The following ARHGEF26 variants were observed in gnomAD, a reference collection of about 807,000 sequenced individuals.
ARHGEF26 encodes the protein Rho guanine nucleotide exchange factor 26, also known as Rho guanine nucleotide exchange factor (GEF) 26.
ARHGEF26 carries 59 observed loss-of-function variants against 89.4 expected under a neutral mutation model. The ratio of observed to expected loss-of-function variants is 0.66; its 90% CI spans 0.54 to 0.82. ARHGEF26 has a LOEUF of 0.82. Among genes scored for constraint, ARHGEF26 ranks in the 40% least tolerant of loss-of-function variants. The probability of loss-of-function intolerance (pLI) is 0.00; values close to 1 mark genes in which losing one functional copy is unlikely to be tolerated. For synonymous variants in ARHGEF26, 500 were observed against 428.4 expected (o/e 1.17, Z -2.06); for missense variants, 1,234 against 1,085.6 (o/e 1.14, Z -1.92).
Position 154,122,905 on chromosome 3 carries a change from C to G in ARHGEF26, c.913C>G (p.Pro305Ala), listed in dbSNP as rs1173228661. 6.2e-7 allele frequency: 1 copy of G among 1,613,282 alleles called. No individual in the cohort carries two copies. Among genetic ancestry groups the G allele is most frequent in the Non-Finnish European group, 8.5e-7 (1 of 1,179,626 alleles). ...TGAGGTCGATAACGACGTGGATAGC[C>G]CAGGGTCTCTGCGGAGAGGCTTGCG... ...ESEVDNDVDS[P>A]GSLRRGLRST... The change falls in exon 2 of 15, where the codon CCA (proline) becomes GCA (alanine). Residue 305 changes from proline to alanine, a missense_variant. Transcript: ENST00000465093.
chr3:154,202,036 T>C (rs1408494786), intron 9 of ARHGEF26, among the ~76,000 whole-genome samples: 1 of 152,232 alleles, frequency 6.6e-6, no homozygotes, highest in African/African-American at 2.4e-5. Flanking sequence ...ATTTTGGCTT[T>C]TGTTGCCATT....
At chr3:154,160,940 C>T (rs1256291782) in intron 6 of ARHGEF26, among the ~76,000 whole-genome samples, 1 of 152,088 alleles carries the variant, frequency 6.6e-6, no homozygotes, top group Non-Finnish European at 1.5e-5. Context: ...AAGATGATGA[C>T]CCTCTTTACC....
intron 6 of ARHGEF26, among the ~76,000 whole-genome samples, chr3:154,163,968 A>G (rs1345138763): frequency 6.6e-6 from 1 of 152,056 alleles, no homozygotes; most frequent in Non-Finnish European, 1.5e-5. Flanking sequence ...AACATACACT[A>G]CCCTCCTTAA....
intron 9 of ARHGEF26, among the ~76,000 whole-genome samples, chr3:154,205,280 G>T (rs1046344292): frequency 1.1e-4 from 17 of 151,590 alleles, no homozygotes; most frequent in African/African-American, 4.1e-4. Context: ...TCTTCTTGCA[G>T]TTTTTTCTGG....
At chr3:154,124,195 C>G (rs1321568975) in intron 2 of ARHGEF26, among the ~76,000 whole-genome samples, 4 of 152,024 alleles carry the variant, frequency 2.6e-5, no homozygotes, top group Admixed American at 6.6e-5. Context: ...TGTGGGGGAT[C>G]TTGTACATTT....
At chr3:154,129,757 AAAAC>A in intron 4 of ARHGEF26, 38 bp downstream of exon 4, 2 of 1,570,894 alleles carry the variant, frequency 1.3e-6, no homozygotes, top group Non-Finnish European at 1.7e-6. Flanking sequence ...TGGTAGGAAA[AAAAC>A]AAGTTTTGGA....
chr3:154,249,661 C>G lies in ARHGEF26; in HGVS notation c.2301-3455C>G, dbSNP rs138323564. Among the ~76,000 whole-genome samples the G allele has an allele frequency of 1.9e-3, 284 of 152,214 alleles. 1 individual carries two copies. The highest frequency in any genetic ancestry group is 6.5e-3 in the African/African-American group (268 of 41,538). On this transcript the variant is annotated intron_variant, in intron 12 of 14. Coordinates refer to ENST00000465093, the MANE Select transcript of ARHGEF26 (RefSeq NM_015595.4). ...GGACTCCAGTGTATTTGCTGTGCAC[C>G]TCTCCAAGCTAGCCCAGGGCCTGTG...
rs189798220 is a variant in ARHGEF26, at chr3:154,172,560, G to C, written c.1488-15125G>C. Among the ~76,000 whole-genome samples the C allele has an allele frequency of 3.3e-3, 498 of 152,254 alleles. 1 individual carries two copies. Among genetic ancestry groups the C allele is most frequent in the African/African-American group, 0.011 (471 of 41,548 alleles). ...AATAAAAAAGTTAGCTGGGCGTGGT[G>C]GTGTGTGCCTGTAGTCCCAGCTACT... is the stretch of plus-strand genomic sequence containing the variant. On this transcript the variant is annotated intron_variant, in intron 6 of 14. Transcript: ENST00000465093.
chr3:154,252,442 A>T (rs899096717), intron 12 of ARHGEF26, among the ~76,000 whole-genome samples: 2 of 152,354 alleles, frequency 1.3e-5, no homozygotes, highest in Middle Eastern at 3.4e-3. Flanking sequence ...TGACTGCATT[A>T]TGTAGAGAAG....
intron 1 of ARHGEF26, 94 bp downstream of exon 1, chr3:154,121,613 G>C: frequency 4.8e-6 from 1 of 209,218 alleles, no homozygotes; most frequent in East Asian, 1.1e-4. Context: ...GTCCCGCGGC[G>C]AGTTTCCCAA....
At chr3:154,254,697 A>G (rs375681512) in intron 13 of ARHGEF26, 23 bp from the exon 14 acceptor site, 2 of 1,596,218 alleles carry the variant, frequency 1.3e-6, no homozygotes, top group Non-Finnish European at 1.7e-6. Context: ...CTGGAAACTT[A>G]GTATGTCCTC....
At chr3:154,221,310 A>G (rs357495) in intron 10 of ARHGEF26, among the ~76,000 whole-genome samples, 133,523 of 152,230 alleles carry the variant, frequency 0.88, 58,686 homozygotes, top group East Asian at 1. Context: ...AGATTTATAA[A>G]TAATTCAAAA....
At chr3:154,219,224 T>C (rs1715965732) in intron 10 of ARHGEF26, among the ~76,000 whole-genome samples, 1 of 152,222 alleles carries the variant, frequency 6.6e-6, no homozygotes, top group South Asian at 2.1e-4. Flanking sequence ...TTCCTCCTTT[T>C]GAAAGATGAA....
chr3:154,134,464 A>G (rs1718882952), intron 4 of ARHGEF26, among the ~76,000 whole-genome samples: 1 of 152,186 alleles, frequency 6.6e-6, no homozygotes, highest in Non-Finnish European at 1.5e-5. Flanking sequence ...TAAAACCATC[A>G]GATCTCGTGA....
chr3:154,179,321 TG>T (rs1429159946), intron 6 of ARHGEF26, among the ~76,000 whole-genome samples: 1 of 152,204 alleles, frequency 6.6e-6, no homozygotes, highest in Non-Finnish European at 1.5e-5. Context: ...GAGTGTTCTT[TG>T]TTCAAACTAC....
At chr3:154,202,775 G>T (rs577882820) in intron 9 of ARHGEF26, among the ~76,000 whole-genome samples, 1,253 of 103,296 alleles carry the variant, frequency 0.012, 17 homozygotes, top group African/African-American at 0.047. Flanking sequence ...TTGTGAATGG[G>T]AGTTCACTCA....
intron 11 of ARHGEF26, among the ~76,000 whole-genome samples, chr3:154,235,790 CAA>C (rs970164006): frequency 2.6e-5 from 4 of 152,284 alleles, no homozygotes; most frequent in African/African-American, 9.6e-5. Flanking sequence ...TCAGATTACC[CAA>C]AGTCCTTCCA....
intron 2 of ARHGEF26, 87 bp downstream of exon 2, chr3:154,123,162 CGAA>C: frequency 1.3e-6 from 2 of 1,527,538 alleles, no homozygotes; most frequent in African/African-American, 1.4e-5. Flanking sequence ...AGAGGAAACC[CGAA>C]GAAGTCATTC....
At chr3:154,202,033 CT>C (rs1351422980) in intron 9 of ARHGEF26, among the ~76,000 whole-genome samples, 1 of 152,098 alleles carries the variant, frequency 6.6e-6, no homozygotes, top group Non-Finnish European at 1.5e-5. Flanking sequence ...TCAATTTTGG[CT>C]TTTGTTGCCA....
Sources: gnomAD v4.1 joint callset for allele counts (sites outside exome capture counted in the v4.1 genomes callset) on GRCh38, gnomAD v4.1.1 for gene constraint, MANE v1.5 for transcripts, NCBI Gene and HGNC (gene_info 2026-07-23, HGNC 2026-07-21) for gene names.